The following AFF2 variants were observed in gnomAD, a reference collection of about 807,000 sequenced individuals.
The protein encoded by AFF2 is AF4/FMR2 family member 2.
Under a neutral mutation model 76.9 loss-of-function variants are expected in AFF2, and 14 were observed. The observed-to-expected ratio is 0.18, with a 90% CI of 0.12 to 0.28. AFF2 has a LOEUF of 0.28. Among genes scored for constraint, AFF2 ranks in the 10% least tolerant of loss-of-function variants. The pLI, the probability that AFF2 is intolerant of heterozygous loss-of-function variation, is 1.00. For synonymous variants in AFF2, 398 were observed against 366.7 expected (o/e 1.09, Z -0.98); for missense variants, 868 against 1,001.1 (o/e 0.87, Z 1.79).
At chrX:148,968,527 C>G (rs1372832691) in intron 15 of AFF2, among the ~76,000 whole-genome samples, 2 of 111,769 alleles carry the variant, frequency 1.8e-5, no homozygotes, top group Non-Finnish European at 3.8e-5. Context: ...TTGACTAAAC[C>G]CCATTGGGTT....
At chrX:148,894,413 CAAGAGCA>C (rs1267587430) in intron 8 of AFF2, among the ~76,000 whole-genome samples, 1 of 111,432 alleles carries the variant, frequency 9.0e-6, no homozygotes, top group Non-Finnish European at 1.9e-5. Context: ...CTTTATTTAT[CAAGAGCA>C]AAGAGCATAA....
Position 148,661,985 on chromosome X carries a change from T to C in AFF2, c.258T>C (p.Thr86=). The C allele has an allele frequency of 8.3e-7, 1 of 1,208,496 alleles. No homozygotes were observed. The highest frequency in any genetic ancestry group is 1.1e-6 in the Non-Finnish European group (1 of 892,625). ...ATGATGAAATGAAGAATTTGCTAACTAACCATTCTAATCAGAATCACCTAG... is the reference window on the plus strand; with the variant it reads ...ATGATGAAATGAAGAATTTGCTAACCAACCATTCTAATCAGAATCACCTAG... The part of the protein sequence containing the change: ...GNYDEMKNLL[T]NHSNQNHLVG... The change falls in exon 3 of 21, where the codon ACT becomes ACC. Residue 86 remains threonine (T), a synonymous_variant. Coordinates refer to ENST00000370460, the MANE Select transcript of AFF2 (RefSeq NM_002025.4).
intron 7 of AFF2, among the ~76,000 whole-genome samples, chrX:148,850,111 G>T (rs781786323): frequency 1.8e-5 from 2 of 111,640 alleles, no homozygotes; most frequent in Admixed American, 1.9e-4. Context: ...CCTTCAGTGA[G>T]GCTGAAGGAT....
intron 1 of AFF2, among the ~76,000 whole-genome samples, chrX:148,573,796 C>A (rs782514979): frequency 2.7e-5 from 3 of 111,303 alleles, no homozygotes; most frequent in African/African-American, 9.8e-5. Context: ...AAAGATAGAA[C>A]AAATGGAATA....
chrX:148,676,793 G>A, intron 3 of AFF2, among the ~76,000 whole-genome samples: 1 of 111,816 alleles, frequency 8.9e-6, no homozygotes, highest in Middle Eastern at 4.7e-3. Context: ...TGGGATTCAT[G>A]AGACACAAGA....
At chrX:148,658,197 T>C (rs1437774621) in intron 2 of AFF2, among the ~76,000 whole-genome samples, 1 of 111,809 alleles carries the variant, frequency 8.9e-6, no homozygotes, top group Non-Finnish European at 1.9e-5. Flanking sequence ...GGGTCTCAAA[T>C]TTACCAGTGT....
chrX:148,989,599 A>C (rs2124435507), intron 20 of AFF2, among the ~76,000 whole-genome samples: 1 of 112,470 alleles, frequency 8.9e-6, no homozygotes, highest in South Asian at 3.7e-4. Context: ...TGATCTACTT[A>C]GCTTTGGGGA....
intron 4 of AFF2, among the ~76,000 whole-genome samples, chrX:148,837,272 G>C (rs1201036858): frequency 1.8e-5 from 2 of 112,224 alleles, no homozygotes; most frequent in Non-Finnish European, 3.8e-5. Flanking sequence ...GACGATGCCA[G>C]GGGATAGGAT....
chrX:148,746,644 C>T (rs1469031011), intron 3 of AFF2, among the ~76,000 whole-genome samples: 1 of 112,621 alleles, frequency 8.9e-6, no homozygotes, highest in African/African-American at 3.2e-5. Flanking sequence ...GTCAATTCTC[C>T]CATTCATTCA....
At chrX:148,576,967 C>T (rs782158056) in intron 1 of AFF2, among the ~76,000 whole-genome samples, 1 of 111,763 alleles carries the variant, frequency 8.9e-6, no homozygotes, top group South Asian at 3.7e-4. Flanking sequence ...CATACTTTAT[C>T]TAGGGCTGCT....
chrX:148,837,255 G>A (rs1479912542), intron 4 of AFF2, among the ~76,000 whole-genome samples: 1 of 112,145 alleles, frequency 8.9e-6, no homozygotes, highest in Non-Finnish European at 1.9e-5. Flanking sequence ...TCTCAGCCTG[G>A]AGAAGAGACG....
intron 1 of AFF2, among the ~76,000 whole-genome samples, chrX:148,643,175 A>G (rs782423514): frequency 3.6e-5 from 4 of 112,157 alleles, no homozygotes; most frequent in Non-Finnish European, 7.5e-5. Context: ...CTGATTGGCA[A>G]TGGGGAACAG....
intron 8 of AFF2, among the ~76,000 whole-genome samples, chrX:148,887,873 T>C (rs1603333066): frequency 8.9e-6 from 1 of 111,860 alleles, no homozygotes. Context: ...CTTGTAGAGT[T>C]TGAAGATGAG....
intron 7 of AFF2, among the ~76,000 whole-genome samples, chrX:148,875,419 G>C (rs782108526): frequency 3.6e-5 from 4 of 111,827 alleles, no homozygotes; most frequent in Admixed American, 9.5e-5. Context: ...AGAATGCCTT[G>C]TGGAAGCCAT....
At chrX:148,825,358 CAT>C (rs2070375678) in intron 4 of AFF2, among the ~76,000 whole-genome samples, 1 of 111,810 alleles carries the variant, frequency 8.9e-6, no homozygotes, top group Non-Finnish European at 1.9e-5. Flanking sequence ...AATATGGTAA[CAT>C]AAATGAAACA....
Position 148,807,110 on chromosome X carries a change from G to A in AFF2, c.1042-2766G>A, listed in dbSNP as rs782077569. On this transcript the variant is annotated intron_variant, in intron 3 of 20. Coordinates refer to ENST00000370460, the MANE Select transcript of AFF2 (RefSeq NM_002025.4). Reference sequence around the variant, plus strand: ...TTCTCTGTCTGTCCTGAGTGCTGCCGACTCCAATAGTCAGTCATTATTAGA... The same window carrying A: ...TTCTCTGTCTGTCCTGAGTGCTGCCAACTCCAATAGTCAGTCATTATTAGA... Among the ~76,000 whole-genome samples the A allele has an allele frequency of 5.4e-5, 6 of 111,917 alleles. No individual in the cohort carries two copies. The East Asian group carries it at 8.5e-4, about 16-fold the overall frequency.
intron 13 of AFF2, among the ~76,000 whole-genome samples, chrX:148,965,490 G>A (rs782673448): frequency 1.8e-5 from 2 of 111,826 alleles, no homozygotes; most frequent in African/African-American, 6.5e-5. Flanking sequence ...GCCAGTTTCA[G>A]TGCCACTAGC....
chrX:148,938,083 A>C (rs2071793165), intron 9 of AFF2, among the ~76,000 whole-genome samples: 2 of 112,194 alleles, frequency 1.8e-5, no homozygotes, highest in Admixed American at 1.9e-4. Context: ...ATAGTGTTTC[A>C]GTAATAAATG....
intron 1 of AFF2, among the ~76,000 whole-genome samples, chrX:148,518,572 G>A (rs2052563211): frequency 8.9e-6 from 1 of 112,455 alleles, no homozygotes; most frequent in Non-Finnish European, 1.9e-5. Flanking sequence ...TTCCGCTTGA[G>A]TGGCAGTTAC....
Sources: gnomAD v4.1 joint callset for allele counts (sites outside exome capture counted in the v4.1 genomes callset) on GRCh38, gnomAD v4.1.1 for gene constraint, MANE v1.5 for transcripts, NCBI Gene and HGNC (gene_info 2026-07-23, HGNC 2026-07-21) for gene names.